The following KPNA4 variants were observed in gnomAD, a reference collection of about 807,000 sequenced individuals.
The protein encoded by KPNA4 is importin subunit alpha-3.
KPNA4 carries 13 observed loss-of-function variants against 71.3 expected under a neutral mutation model. The observed-to-expected ratio is 0.18, with a 90% CI of 0.12 to 0.29. KPNA4 has a LOEUF of 0.29. Among genes scored for constraint, KPNA4 ranks in the 10% least tolerant of loss-of-function variants. KPNA4 has a pLI of 1.00. For missense variants in KPNA4, 334 were observed against 603.2 expected, an observed-to-expected ratio of 0.55 and a Z score of 4.67; for synonymous variants, 189 against 195.2, an observed-to-expected ratio of 0.97 and a Z score of 0.26.
At chr3:160,546,511 CCATCT>C (rs1435609073) in intron 1 of KPNA4, among the ~76,000 whole-genome samples, 2 of 151,948 alleles carry the variant, frequency 1.3e-5, no homozygotes, top group Non-Finnish European at 2.9e-5. Flanking sequence ...GAGCAAGACT[CCATCT>C]CAGAAAAAAA....
chr3:160,552,196 T>C (rs1722053951), intron 1 of KPNA4, among the ~76,000 whole-genome samples: 1 of 152,176 alleles, frequency 6.6e-6, no homozygotes, highest in South Asian at 2.1e-4. Flanking sequence ...GTAGTGAGAA[T>C]ATGGAAGATT....
At chr3:160,543,356 C>T (rs1415088359) in intron 1 of KPNA4, among the ~76,000 whole-genome samples, 1 of 151,858 alleles carries the variant, frequency 6.6e-6, no homozygotes, top group Middle Eastern at 3.4e-3. Flanking sequence ...ATTTTTTTCC[C>T]CCGAGACAGA....
chr3:160,518,598 G>A (rs1310753801), intron 11 of KPNA4, among the ~76,000 whole-genome samples: 1 of 150,722 alleles, frequency 6.6e-6, no homozygotes, highest in Non-Finnish European at 1.5e-5. Flanking sequence ...GGTGGCTCAC[G>A]CCTGCAATCC....
At chr3:160,562,176 T>C (rs1722257357) in intron 1 of KPNA4, among the ~76,000 whole-genome samples, 1 of 152,176 alleles carries the variant, frequency 6.6e-6, no homozygotes, top group Admixed American at 6.5e-5. Context: ...CATGTGGCTA[T>C]TAAGCACTTG....
chr3:160,506,810 T>C (rs1720992488), intron 15 of KPNA4, among the ~76,000 whole-genome samples: 2 of 152,246 alleles, frequency 1.3e-5, no homozygotes, highest in African/African-American at 2.4e-5. Context: ...CCATCTCTTG[T>C]TCCTAACTCG....
chr3:160,530,431 A>C (rs1721551163), intron 7 of KPNA4, among the ~76,000 whole-genome samples: 1 of 152,124 alleles, frequency 6.6e-6, no homozygotes, highest in African/African-American at 2.4e-5. Context: ...GTGAGCTGAG[A>C]TTGTGCCATT....
intron 1 of KPNA4, among the ~76,000 whole-genome samples, chr3:160,563,562 T>C (rs566655231): frequency 1.4e-4 from 21 of 152,196 alleles, no homozygotes; most frequent in Admixed American, 9.2e-4. Flanking sequence ...AAGCCAGAAA[T>C]GTAGAGGAAA....
At chr3:160,514,210 T>C in intron 12 of KPNA4, 29 bp from the exon 13 acceptor site, 1 of 1,512,048 alleles carries the variant, frequency 6.6e-7, no homozygotes, top group Non-Finnish European at 9.0e-7. Context: ...TGAATATTTC[T>C]CATTAAAAAA....
In KPNA4 at chr3:160,521,846, A is replaced by T. The variant is rs1721356233; in HGVS notation, c.836T>A (p.Met279Lys). 6.2e-7 allele frequency: 1 copy of T among 1,612,708 alleles called. No homozygotes were observed. Among genetic ancestry groups the T allele is most frequent in the Non-Finnish European group, 8.5e-7 (1 of 1,179,526 alleles). ...LTDAGNEQIQ[M>K]VIDSGIVPHL... ...AGGAACTATTCCAGAGTCTATTACC[A>T]TCTGTATTTGTTCATTGCCAGCATC... is the stretch of plus-strand genomic sequence containing the variant. The change falls in exon 11 of 17, where the codon ATG becomes AAG. Residue 279 changes from methionine (M) to lysine (K), a missense_variant. Transcript: ENST00000334256.
At chr3:160,516,916 C>T (rs1006162858) in intron 11 of KPNA4, among the ~76,000 whole-genome samples, 3 of 151,962 alleles carry the variant, frequency 2.0e-5, no homozygotes, top group Non-Finnish European at 2.9e-5. Context: ...AAGCTTTTTA[C>T]TCCTCTAATT....
chr3:160,527,193 A>G (rs572977319), intron 8 of KPNA4, among the ~76,000 whole-genome samples: 8 of 152,322 alleles, frequency 5.3e-5, no homozygotes, highest in South Asian at 4.1e-4. Context: ...GCCCCCACTC[A>G]TAACTGTTAG....
intron 13 of KPNA4, among the ~76,000 whole-genome samples, chr3:160,510,869 C>T (rs1465761223): frequency 6.8e-6 from 1 of 147,774 alleles, no homozygotes; most frequent in Non-Finnish European, 1.5e-5. Context: ...CTCACTGCAA[C>T]CTCCACCTCC....
Position 160,502,064 on chromosome 3 carries a change from ATC to A in KPNA4, c.*38_*39del. On this transcript the variant is annotated 3_prime_UTR_variant, in exon 17 of 17. Coordinates refer to ENST00000334256, the MANE Select transcript of KPNA4 (RefSeq NM_002268.5). The stretch of plus-strand genomic sequence containing the variant: ...TACACACACACATATATATATATAT[ATC>A]TCAGTGCTGCATTGTACCTAACTTC... 1.3e-6 allele frequency: 1 copy of A among 767,274 alleles called. No individual in the cohort carries two copies. Among genetic ancestry groups the A allele is most frequent in the Non-Finnish European group, 2.2e-6 (1 of 457,448 alleles). 47.5% of individuals were successfully genotyped at this position (767,274 alleles called of 1,614,324 possible).
intron 7 of KPNA4, among the ~76,000 whole-genome samples, chr3:160,529,895 C>T (rs750872956): frequency 2.0e-5 from 3 of 150,990 alleles, no homozygotes; most frequent in African/African-American, 7.3e-5. Context: ...TTTGGGAGGC[C>T]GAGGCAGGCG....
At chr3:160,557,243 G>A (rs17236537) in intron 1 of KPNA4, among the ~76,000 whole-genome samples, 2,528 of 152,182 alleles carry the variant, frequency 0.017, 34 homozygotes, top group Non-Finnish European at 0.027. Flanking sequence ...TGGCAAACAG[G>A]ACAGGGCCAT....
At position 160,514,203 on chromosome 3, in the gene KPNA4, A is replaced by G. The variant is rs778309678; in HGVS notation, c.1033-22T>C. 2.0e-4 allele frequency: 310 copies of G among 1,528,804 alleles called. 1 individual carries two copies. In the East Asian group the frequency reaches 7.1e-3, roughly 35 times the overall value. The allele number at this position is 1,528,804 out of a possible 1,614,324, so 94.7% of individuals were successfully genotyped here. ...CTTCCTGTAGAACAAGAGCATTTGA[A>G]TATTTCTCATTAAAAAATAAAATCT... On this transcript the variant is annotated intron_variant, in intron 12 of 16. Coordinates refer to ENST00000334256, the MANE Select transcript of KPNA4 (RefSeq NM_002268.5).
At chr3:160,515,723 TC>T in intron 11 of KPNA4, 143 bp from the exon 12 acceptor site, 1 of 836,876 alleles carries the variant, frequency 1.2e-6, no homozygotes, top group Non-Finnish European at 1.8e-6. Context: ...CAAGTGATCC[TC>T]CCACCCCAGC....
At chr3:160,519,800 T>TCAA (rs1721308121) in intron 11 of KPNA4, among the ~76,000 whole-genome samples, 1 of 33,640 alleles carries the variant, frequency 3.0e-5, no homozygotes, top group African/African-American at 1.6e-4. Context: ...AGACTCCGTC[T>TCAA]CAAAAAAAAA....
At chr3:160,554,035 T>A (rs565806019) in intron 1 of KPNA4, among the ~76,000 whole-genome samples, 1 of 152,316 alleles carries the variant, frequency 6.6e-6, no homozygotes, top group Non-Finnish European at 1.5e-5. Flanking sequence ...ATACAGATGC[T>A]GAATAAATAT....
Sources: allele counts gnomAD v4.1 joint callset (sites outside exome capture counted in the v4.1 genomes callset), GRCh38; gene constraint gnomAD v4.1.1; transcripts MANE v1.5; gene names NCBI Gene and HGNC (gene_info 2026-07-23, HGNC 2026-07-21).